The following ADARB2 variants were observed in gnomAD, a reference collection of about 807,000 sequenced individuals.
ADARB2 encodes adenosine deaminase RNA specific B2 (inactive).
In ADARB2, 25 loss-of-function variants were observed where a neutral mutation model predicts 62.2. The ratio of observed to expected loss-of-function variants is 0.40; its 90% CI spans 0.29 to 0.56. The LOEUF (loss-of-function observed/expected upper bound fraction) is 0.56. Ranked by LOEUF, ADARB2 falls within the 20% of genes least tolerant of loss-of-function variation. The pLI is 0.43. For synonymous variants in ADARB2, 572 were observed against 500.8 expected, an observed-to-expected ratio of 1.14 and a Z score of -1.90; for missense variants, 1,071 against 1,077.4, an observed-to-expected ratio of 0.99 and a Z score of 0.08.
chr10:1,498,961 A>C (rs1564308808), intron 1 of ADARB2, among the ~76,000 whole-genome samples: 1 of 151,514 alleles, frequency 6.6e-6, no homozygotes, highest in African/African-American at 2.4e-5. Flanking sequence ...TTTATTACTC[A>C]TCATTCAGTG....
At position 1,398,142 on chromosome 10, in the gene ADARB2, C is replaced by G. The variant is rs539154276; in HGVS notation, c.101-18982G>C. 6.8e-6 allele frequency among the ~76,000 whole-genome samples: 1 copy of G among 147,606 alleles called. No individual in the cohort carries two copies. Among genetic ancestry groups the G allele is most frequent in the Admixed American group, 6.7e-5 (1 of 14,920 alleles). On this transcript the variant is annotated intron_variant, in intron 1 of 9. Coordinates refer to ENST00000381312, the MANE Select transcript of ADARB2 (RefSeq NM_018702.4). This position sits in a 1 kb window ranked among gnomAD's most constrained non-coding sequence, Gnocchi z 4.1. ...GGGTCACCATCAGTCTCTCCCCTCC[C>G]GAGTGCAGGCTTCCTGGGTCACCGT...
At chr10:1,648,013 G>C (rs1419364090) in intron 1 of ADARB2, among the ~76,000 whole-genome samples, 1 of 152,194 alleles carries the variant, frequency 6.6e-6, no homozygotes, top group Non-Finnish European at 1.5e-5. Context: ...GTGGATACAT[G>C]TCTTCTCTGA....
chr10:1,244,604 C>T (rs913869735), intron 4 of ADARB2, among the ~76,000 whole-genome samples: 15 of 152,262 alleles, frequency 9.9e-5, no homozygotes, highest in Non-Finnish European at 7.3e-5. Context: ...CTCACCCCCA[C>T]CGCCAGCACC....
chr10:1,301,258 TA>T (rs1831570114), intron 3 of ADARB2, among the ~76,000 whole-genome samples: 1 of 152,176 alleles, frequency 6.6e-6, no homozygotes, highest in South Asian at 2.1e-4. Flanking sequence ...TTAATTCCGT[TA>T]AAAATAAAAT....
At chr10:1,219,751 GTGA>G (rs897381082) in intron 6 of ADARB2, among the ~76,000 whole-genome samples, 4 of 151,926 alleles carry the variant, frequency 2.6e-5, no homozygotes, top group African/African-American at 9.7e-5. Flanking sequence ...GAAGATAATG[GTGA>G]TGATGGTGGC....
chr10:1,463,724 A>G (rs1831207110), intron 1 of ADARB2, among the ~76,000 whole-genome samples: 1 of 152,214 alleles, frequency 6.6e-6, no homozygotes, highest in African/African-American at 2.4e-5. Flanking sequence ...GCTCTTTGAA[A>G]TGCACTAAGA....
At chr10:1,613,616 T>C (rs1247562286) in intron 1 of ADARB2, among the ~76,000 whole-genome samples, 1 of 152,266 alleles carries the variant, frequency 6.6e-6, no homozygotes, top group African/African-American at 2.4e-5. Context: ...TATCCAGGTT[T>C]ACATGCTGTA....
At chr10:1,736,441 C>T (rs1588371425) in intron 1 of ADARB2, among the ~76,000 whole-genome samples, 2 of 152,278 alleles carry the variant, frequency 1.3e-5, no homozygotes, top group Admixed American at 1.3e-4. Flanking sequence ...TTTTTTTCTA[C>T]CACTAACAAA....
intron 1 of ADARB2, among the ~76,000 whole-genome samples, chr10:1,713,786 G>A (rs1834981045): frequency 6.6e-6 from 1 of 152,152 alleles, no homozygotes; most frequent in Non-Finnish European, 1.5e-5. Flanking sequence ...ACACTTTAAA[G>A]CAAATTGTCA....
intron 1 of ADARB2, among the ~76,000 whole-genome samples, chr10:1,443,651 A>T (rs1237707427): frequency 2.0e-5 from 3 of 152,086 alleles, no homozygotes; most frequent in Non-Finnish European, 4.4e-5. Flanking sequence ...TTTTTTTCAG[A>T]TATCAGTATG....
chr10:1,310,303 A>G (rs1459202422), intron 3 of ADARB2, among the ~76,000 whole-genome samples: 2 of 152,192 alleles, frequency 1.3e-5, no homozygotes, highest in African/African-American at 4.8e-5. Context: ...CCAGTCCTGG[A>G]GAAGCAGCTG....
chr10:1,642,562 T>G (rs1833990743), intron 1 of ADARB2, among the ~76,000 whole-genome samples: 1 of 152,116 alleles, frequency 6.6e-6, no homozygotes, highest in South Asian at 2.1e-4. Context: ...ACCACCACAT[T>G]GGTATAATTT....
intron 3 of ADARB2, among the ~76,000 whole-genome samples, chr10:1,343,609 C>G (rs2131840179): frequency 6.6e-6 from 1 of 152,340 alleles, no homozygotes; most frequent in South Asian, 2.1e-4. Flanking sequence ...ATTGCAAAGT[C>G]ATGGAATCAA....
intron 1 of ADARB2, among the ~76,000 whole-genome samples, chr10:1,487,842 TAAA>T (rs1831563277): frequency 6.6e-6 from 1 of 151,986 alleles, no homozygotes; most frequent in African/African-American, 2.4e-5. Context: ...TACTGGGAGT[TAAA>T]AACACGTGCC....
intron 6 of ADARB2, among the ~76,000 whole-genome samples, chr10:1,225,943 A>T (rs4880795): frequency 0.79 from 120,343 of 151,704 alleles, 47,981 homozygotes; most frequent in African/African-American, 0.88. Context: ...TTTCCTGAAT[A>T]TGAATGTTGG....
At chr10:1,278,534 C>T (rs1309266762) in intron 3 of ADARB2, among the ~76,000 whole-genome samples, 1 of 150,502 alleles carries the variant, frequency 6.6e-6, no homozygotes, top group African/African-American at 2.5e-5. Context: ...TTGGCTTTTT[C>T]TGTTAATTCG....
rs184494993 is a variant in ADARB2 at position 1,639,009 on chromosome 10, G to A, written c.100+98042C>T. ...GCCGTCTTGGCGAGTGTCTTGGTTT[G>A]AGATCATCAGGGCCATACCCTCATC... On this transcript the variant is annotated intron_variant, in intron 1 of 9. Coordinates refer to ENST00000381312, the MANE Select transcript of ADARB2 (RefSeq NM_018702.4). Among the ~76,000 whole-genome samples the A allele has an allele frequency of 2.7e-3, 418 of 152,328 alleles. 3 individuals carry two copies. Among genetic ancestry groups the A allele is most frequent in the African/African-American group, 9.7e-3 (404 of 41,574 alleles).
At chr10:1,559,401 C>A (rs568725881) in intron 1 of ADARB2, among the ~76,000 whole-genome samples, 1 of 152,294 alleles carries the variant, frequency 6.6e-6, no homozygotes, top group South Asian at 2.1e-4. Context: ...GCAAGTGACA[C>A]GGGTCACATT....
intron 2 of ADARB2, among the ~76,000 whole-genome samples, chr10:1,378,219 C>T (rs1252258450): frequency 2.0e-5 from 3 of 152,180 alleles, no homozygotes; most frequent in East Asian, 1.9e-4. Flanking sequence ...CCCGAGATGC[C>T]GCTCAGATCC....
Sources: gnomAD v4.1 joint callset for allele counts (sites outside exome capture counted in the v4.1 genomes callset) on GRCh38, gnomAD v4.1.1 for gene constraint, Gnocchi (gnomAD v3.1) non-coding constraint, MANE v1.5 for transcripts, NCBI Gene and HGNC (gene_info 2026-07-23, HGNC 2026-07-21) for gene names.